Variants in HNRNPLL observed in about 807,000 individuals in gnomAD.
HNRNPLL encodes the protein heterogeneous nuclear ribonucleoprotein L like.
HNRNPLL carries 25 observed loss-of-function variants against 67.1 expected under a neutral mutation model. The observed-to-expected ratio is 0.37, with a 90% CI of 0.27 to 0.52. The LOEUF (loss-of-function observed/expected upper bound fraction) is 0.52, where lower values mean the gene tolerates loss of function less well. HNRNPLL is among the 20% of genes least tolerant of loss of function. The pLI, the probability that HNRNPLL is intolerant of heterozygous loss-of-function variation, is 0.90. For missense variants in HNRNPLL, 542 were observed against 673.9 expected, an observed-to-expected ratio of 0.80 and a Z score of 2.17; for synonymous variants, 267 against 241.7, an observed-to-expected ratio of 1.10 and a Z score of -0.97.
At chr2:38,565,900 C>A in intron 12 of HNRNPLL, 1 of 441,390 alleles carries the variant, frequency 2.3e-6, no homozygotes, top group Non-Finnish European at 3.0e-6. Flanking sequence ...ACCCTTCACA[C>A]ACAGTTTTGA....
Position 38,582,169 on chromosome 2 carries a change from A to C in HNRNPLL, c.633-1T>G, listed in dbSNP as rs201255782. 1 of 1,609,724 alleles carries C rather than the reference A, an allele frequency of 6.2e-7. No individual in the cohort carries two copies. The highest frequency in any genetic ancestry group is 8.5e-7 in the Non-Finnish European group (1 of 1,175,988). ...CTGGGCACAAAGGACTGATTCAAACATAAGCTCTATTAAGGAAATTCGGTT... is the reference window on the plus strand; with the variant it reads ...CTGGGCACAAAGGACTGATTCAAACCTAAGCTCTATTAAGGAAATTCGGTT... On this transcript the variant is annotated splice_acceptor_variant, in intron 4 of 12. Transcript: ENST00000449105. LOFTEE classifies it high-confidence loss of function.
At chr2:38,570,788 C>G (rs568181582) in intron 8 of HNRNPLL, among the ~76,000 whole-genome samples, 1 of 152,180 alleles carries the variant, frequency 6.6e-6, no homozygotes, top group East Asian at 1.9e-4. Flanking sequence ...CACTTGTAAT[C>G]CCAGCACTTT....
intron 2 of HNRNPLL, among the ~76,000 whole-genome samples, chr2:38,587,363 T>C (rs1666776909): frequency 6.6e-6 from 1 of 151,850 alleles, no homozygotes; most frequent in African/African-American, 2.4e-5. Context: ...TACTGTATTA[T>C]TATTATTTAA....
intron 2 of HNRNPLL, among the ~76,000 whole-genome samples, chr2:38,587,518 A>G (rs1184311606): frequency 2.6e-5 from 4 of 152,236 alleles, no homozygotes; most frequent in Admixed American, 2.6e-4. Context: ...TGAATTTAAA[A>G]GTGCAAGATA....
chr2:38,594,666 A>C (rs958999943), intron 1 of HNRNPLL, among the ~76,000 whole-genome samples: 7 of 152,198 alleles, frequency 4.6e-5, no homozygotes, highest in Non-Finnish European at 1.0e-4. Flanking sequence ...AAAATACCCA[A>C]GGCCAGGCAC....
intron 6 of HNRNPLL, 71 bp from the exon 7 acceptor site, chr2:38,577,603 AC>A (rs1391411331): frequency 4.5e-6 from 4 of 887,312 alleles, no homozygotes; most frequent in Non-Finnish European, 7.7e-6. Flanking sequence ...CAGATGGGAA[AC>A]ACCCATTCAA....
chr2:38,591,704 G>A (rs560792330), intron 1 of HNRNPLL, 56 bp from the exon 2 acceptor site: 27 of 1,114,830 alleles, frequency 2.4e-5, no homozygotes, highest in African/African-American at 1.1e-4. Flanking sequence ...GGCCGAACGC[G>A]GTGGCTCACG....
chr2:38,602,638 G>C lies in HNRNPLL; in HGVS notation c.-12C>G. 1 of 1,501,430 alleles carries C rather than the reference G, an allele frequency of 6.7e-7. No individual in the cohort carries two copies. The highest frequency in any genetic ancestry group is 8.9e-7 in the Non-Finnish European group (1 of 1,128,974). 93.0% of individuals were successfully genotyped at this position (1,501,430 alleles called of 1,614,324 possible). A position where few individuals can be genotyped will look rare whatever the true frequency, so the allele number is the denominator to read the frequency against. On this transcript the variant is annotated 5_prime_UTR_variant, in exon 1 of 13. Coordinates refer to ENST00000449105, the MANE Select transcript of HNRNPLL (RefSeq NM_138394.4). ...GAGGAGGAGGACATGGCGGCGGCCG[G>C]AGGGACCGGCTGGCAGGCGGGTGGG...
Position 38,591,640 on chromosome 2 carries a change from A to AC in HNRNPLL, c.197dup (p.Gly67TrpfsTer5). ...AAACAGAAACTTTATGATGACTTCC[A>AC]CCTGCCTCCTAGCAAGAGAAAATAA... On this transcript the variant is annotated frameshift_variant, in exon 2 of 13. Coordinates refer to ENST00000449105, the MANE Select transcript of HNRNPLL (RefSeq NM_138394.4). LOFTEE classifies it high-confidence loss of function. The AC allele has an allele frequency of 6.2e-7, 1 of 1,605,898 alleles. No individual in the cohort carries two copies. The highest frequency in any genetic ancestry group is 8.5e-7 in the Non-Finnish European group (1 of 1,172,740).
intron 1 of HNRNPLL, chr2:38,599,957 T>C (rs1667356851): frequency 3.2e-5 from 15 of 468,034 alleles, no homozygotes; most frequent in Non-Finnish European, 1.8e-5. Context: ...GAAGGACCAC[T>C]GAAGTTGTGC....
chr2:38,600,654 G>C (rs1292430328), intron 1 of HNRNPLL, among the ~76,000 whole-genome samples: 1 of 151,652 alleles, frequency 6.6e-6, no homozygotes, highest in African/African-American at 2.4e-5. Context: ...GATCGCTTGA[G>C]ACAGGGAGAT....
In HNRNPLL at chr2:38,564,253, AAC is replaced by A. The variant is rs780369635; in HGVS notation, c.1574-18_1574-17del. The A allele has an allele frequency of 1.4e-6, 2 of 1,430,086 alleles. No individual in the cohort carries two copies. The highest frequency in any genetic ancestry group is 1.2e-5 in the South Asian group (1 of 85,368). The allele number at this position is 1,430,086 out of a possible 1,614,324, so 88.6% of individuals were successfully genotyped here. A position where few individuals can be genotyped will look rare whatever the true frequency, so the allele number is the denominator to read the frequency against. Reference sequence around the variant, plus strand: ...TTGGAACCATCTGTAAAAAGTAAAAAACAGTTAATATTTCACTTCATCAAACT... The same window carrying A: ...TTGGAACCATCTGTAAAAAGTAAAAAAGTTAATATTTCACTTCATCAAACT... On this transcript the variant is annotated splice_polypyrimidine_tract_variant and intron_variant, in intron 12 of 12. Transcript: ENST00000449105.
Position 38,568,272 on chromosome 2 carries a change from T to C in HNRNPLL, c.1500A>G (p.Leu500=), listed in dbSNP as rs773862592. 1.6e-5 allele frequency: 26 copies of C among 1,613,650 alleles called. No homozygotes were observed. Among genetic ancestry groups the C allele is most frequent in the Admixed American group, 3.3e-5 (2 of 60,010 alleles). The change falls in exon 12 of 13, where the codon CTA becomes CTG. Residue 500 remains leucine, a synonymous_variant. Coordinates refer to ENST00000449105, the MANE Select transcript of HNRNPLL (RefSeq NM_138394.4). ...AKPSAKTLSG[L]LEWECKTDAV... ...CATCAGTTTTGCACTCCCATTCTAA[T>C]AGCCCAGAAAGTGTTTTGGCTGAAG...
At chr2:38,576,657 G>C (rs763735818) in intron 7 of HNRNPLL, among the ~76,000 whole-genome samples, 9 of 151,736 alleles carry the variant, frequency 5.9e-5, no homozygotes, top group Non-Finnish European at 8.9e-5. Flanking sequence ...TAGGCAATTT[G>C]AACCATTTAG....
At position 38,602,857 on chromosome 2, in the gene HNRNPLL, C is replaced by G; in HGVS notation, c.-231G>C. On this transcript the variant is annotated 5_prime_UTR_variant, in exon 1 of 13. Transcript: ENST00000449105. The stretch of plus-strand genomic sequence containing the variant: ...TGGAGCGGCCGCTCCTCTCAATTAC[C>G]GAGCCAACATTCAGCCTCTCCCTCC... 1.9e-6 allele frequency: 3 copies of G among 1,549,470 alleles called. No homozygotes were observed. Among genetic ancestry groups the G allele is most frequent in the Non-Finnish European group, 2.6e-6 (3 of 1,146,392 alleles).
In HNRNPLL at chr2:38,562,852, T is replaced by C. The variant is rs1305381995; in HGVS notation, c.*1330A>G. ...AAACAGCTCTAAAATTGTAAATGCC[T>C]GCCTTATTTCTAAAAGGATTTTTTA... On this transcript the variant is annotated 3_prime_UTR_variant, in exon 13 of 13. Coordinates refer to ENST00000449105, the MANE Select transcript of HNRNPLL (RefSeq NM_138394.4). The C allele has an allele frequency of 6.6e-6, 1 of 152,148 alleles. No individual in the cohort carries two copies. Among genetic ancestry groups the C allele is most frequent in the Non-Finnish European group, 1.5e-5 (1 of 67,950 alleles). The allele number at this position is 152,148 out of a possible 1,614,324, so 9.4% of individuals were successfully genotyped here. A position where few individuals can be genotyped will look rare whatever the true frequency, so the allele number is the denominator to read the frequency against.
At chr2:38,601,559 CA>C in intron 1 of HNRNPLL, 1 of 152,298 alleles carries the variant, frequency 6.6e-6, no homozygotes, top group East Asian at 1.9e-4. Flanking sequence ...AGTCTCCATC[CA>C]ACTGAAGCTA....
intron 12 of HNRNPLL, among the ~76,000 whole-genome samples, chr2:38,566,523 ACACT>A (rs1469713095): frequency 6.6e-6 from 1 of 152,156 alleles, no homozygotes; most frequent in Non-Finnish European, 1.5e-5. Flanking sequence ...ATATCTGACA[ACACT>A]CAGTGTTGCT....
At chr2:38,595,373 C>T (rs1667139911) in intron 1 of HNRNPLL, among the ~76,000 whole-genome samples, 1 of 150,994 alleles carries the variant, frequency 6.6e-6, no homozygotes, top group African/African-American at 2.4e-5. Context: ...TTATAGGTAA[C>T]CACTATCATG....
Sources: allele counts gnomAD v4.1 joint callset (sites outside exome capture counted in the v4.1 genomes callset), GRCh38; gene constraint gnomAD v4.1.1; transcripts MANE v1.5; gene names NCBI Gene and HGNC (gene_info 2026-07-23, HGNC 2026-07-21).